The following STRBP variants were observed in gnomAD, a reference collection of about 807,000 sequenced individuals.
STRBP encodes spermatid perinuclear RNA binding protein.
STRBP carries 13 observed loss-of-function variants against 80.1 expected under a neutral mutation model. That is an observed-to-expected ratio of 0.16 (90% confidence interval 0.11 to 0.26). The LOEUF (loss-of-function observed/expected upper bound fraction) is 0.26, where lower values mean the gene tolerates loss of function less well. STRBP is among the 10% of genes least tolerant of loss of function. STRBP has a pLI of 1.00. For missense variants in STRBP, 485 were observed against 815.2 expected, an observed-to-expected ratio of 0.59 and a Z score of 4.93; for synonymous variants, 284 against 291.2, an observed-to-expected ratio of 0.98 and a Z score of 0.25.
rs771398390 is a variant in STRBP at position 123,245,404 on chromosome 9, GT to G, written c.-301-8439del. On this transcript the variant is annotated intron_variant, in intron 1 of 18. Coordinates refer to ENST00000348403, the MANE Select transcript of STRBP (RefSeq NM_018387.5). ...TTTTGTTGTTTTTGTTTGTTTGTTT[GT>G]TTGAGACGTTGTCTCGCTCAGTCGC... 6.4e-4 allele frequency among the ~76,000 whole-genome samples: 98 copies of G among 152,274 alleles called. No individual in the cohort carries two copies. In the Middle Eastern group the frequency reaches 0.014, roughly 21 times the overall value.
At chr9:123,171,309 A>C (rs897766010) in intron 5 of STRBP, among the ~76,000 whole-genome samples, 10 of 152,174 alleles carry the variant, frequency 6.6e-5, no homozygotes, top group African/African-American at 2.2e-4. Context: ...AAAGCATCCT[A>C]GGAAAGAGTA....
At chr9:123,219,137 A>C (rs1332887409) in intron 2 of STRBP, among the ~76,000 whole-genome samples, 1 of 152,186 alleles carries the variant, frequency 6.6e-6, no homozygotes, top group Non-Finnish European at 1.5e-5. Flanking sequence ...TATGCCCTAA[A>C]AGACAGAGAA....
chr9:123,233,970 G>A (rs1588139272), intron 2 of STRBP, among the ~76,000 whole-genome samples: 2 of 152,286 alleles, frequency 1.3e-5, no homozygotes, highest in African/African-American at 4.8e-5. Context: ...GGAGGCCAAG[G>A]CGGGCAGATC....
At chr9:123,179,364 A>G in intron 3 of STRBP, 137 bp from the exon 4 acceptor site, 1 of 696,986 alleles carries the variant, frequency 1.4e-6, no homozygotes, top group Non-Finnish European at 2.3e-6. Flanking sequence ...ACAAGAAAAA[A>G]CTGCTCCAGC....
At chr9:123,204,923 CAAAAA>C (rs34576355) in intron 2 of STRBP, among the ~76,000 whole-genome samples, 1 of 54,562 alleles carries the variant, frequency 1.8e-5, no homozygotes, top group Non-Finnish European at 4.0e-5. Context: ...GACTCCATCT[CAAAAA>C]AAAAAAAAAA....
chr9:123,215,304 G>A (rs1344377375), intron 2 of STRBP, among the ~76,000 whole-genome samples: 2 of 128,468 alleles, frequency 1.6e-5, no homozygotes, highest in Non-Finnish European at 3.0e-5. Flanking sequence ...CGATTCTCCA[G>A]CCTCAGCCTC....
At chr9:123,152,983 CAA>C (rs1205548593) in intron 11 of STRBP, among the ~76,000 whole-genome samples, 1 of 152,104 alleles carries the variant, frequency 6.6e-6, no homozygotes, top group Non-Finnish European at 1.5e-5. Context: ...ATCATCTTTG[CAA>C]CTATGAATCT....
intron 11 of STRBP, among the ~76,000 whole-genome samples, chr9:123,148,086 T>C (rs1384133842): frequency 1.3e-5 from 2 of 152,190 alleles, no homozygotes; most frequent in African/African-American, 2.4e-5. Context: ...TTTATATTTA[T>C]TTTTTCCCAT....
rs893218260 is a variant in STRBP, at chr9:123,132,920, G to C, written c.1822C>G (p.Arg608Gly). The part of the protein sequence containing the change: ...TAVSAAVQAV[R>G]GRGRGTLTRG... ...GTTAGAGTTCCTCTTCCTCTGCCCCGAACAGCTTGGACTGCTGCAGACACA... is the reference window on the plus strand; with the variant it reads ...GTTAGAGTTCCTCTTCCTCTGCCCCCAACAGCTTGGACTGCTGCAGACACA... Residue 608 changes from arginine (R) to glycine (G), a missense_variant, in exon 17 of 19, where the codon CGG (arginine) becomes GGG (glycine). By Grantham distance (125) the Arg-to-Gly change is moderately radical. Around this residue, in one of 3 missense-constraint regions of STRBP, gnomAD observed 85 missense variants for 120.1 expected, o/e 0.71. Coordinates refer to ENST00000348403, the MANE Select transcript of STRBP (RefSeq NM_018387.5). The C allele has an allele frequency of 1.2e-6, 2 of 1,614,042 alleles. No homozygotes were observed. The highest frequency in any genetic ancestry group is 1.3e-5 in the African/African-American group (1 of 75,026).
intron 17 of STRBP, among the ~76,000 whole-genome samples, chr9:123,128,862 C>G (rs543403333): frequency 6.6e-6 from 1 of 152,202 alleles, no homozygotes; most frequent in Non-Finnish European, 1.5e-5. Flanking sequence ...GGCCCAAGTA[C>G]AGGGTCTCTC....
chr9:123,112,262 C>T (rs2035579614), intron 3 of STRBP: 2 of 167,224 alleles, frequency 1.2e-5, no homozygotes, highest in Admixed American at 6.5e-5. Flanking sequence ...CTGGCCACCA[C>T]CTCCCAGCTC....
chr9:123,207,615 C>T (rs754589621), intron 2 of STRBP, among the ~76,000 whole-genome samples: 14 of 152,060 alleles, frequency 9.2e-5, no homozygotes, highest in East Asian at 1.9e-4. Flanking sequence ...GGATAGCATT[C>T]GGAGAAATAC....
At chr9:123,182,688 T>G (rs1005982077) in intron 3 of STRBP, among the ~76,000 whole-genome samples, 3 of 152,116 alleles carry the variant, frequency 2.0e-5, no homozygotes, top group African/African-American at 7.2e-5. Context: ...TTGGCACAAA[T>G]ATTTTTAAAA....
At chr9:123,160,560 C>A in intron 7 of STRBP, 98 bp from the exon 8 acceptor site, 1 of 760,852 alleles carries the variant, frequency 1.3e-6, no homozygotes, top group Non-Finnish European at 1.8e-6. Flanking sequence ...AATTATTCAT[C>A]AGTTATCAGG....
chr9:123,198,309 T>C (rs2039180979), intron 2 of STRBP, among the ~76,000 whole-genome samples: 1 of 152,118 alleles, frequency 6.6e-6, no homozygotes, highest in Non-Finnish European at 1.5e-5. Flanking sequence ...CTAATTTTTT[T>C]TGTATTTTTG....
chr9:123,183,996 G>T, intron 3 of STRBP, 136 bp downstream of exon 3: 1 of 684,270 alleles, frequency 1.5e-6, no homozygotes, highest in East Asian at 2.7e-5. Context: ...GAATAGTAGA[G>T]TGCCATCTTT....
downstream of STRBP, among the ~76,000 whole-genome samples, chr9:123,119,283 C>G (rs1484558995): frequency 6.6e-6 from 1 of 152,084 alleles, no homozygotes; most frequent in African/African-American, 2.4e-5. Context: ...TAACCAAACA[C>G]CTTTTTAAAA....
chr9:123,247,356 C>T (rs898879838), intron 1 of STRBP, among the ~76,000 whole-genome samples: 12 of 152,172 alleles, frequency 7.9e-5, no homozygotes, highest in African/African-American at 2.9e-4. Flanking sequence ...CAACCTCCAC[C>T]TCCCGCGATC....
Position 123,259,982 on chromosome 9 carries a change from C to G in STRBP, c.-302+8454G>C, listed in dbSNP as rs554403359. Among the ~76,000 whole-genome samples the G allele has an allele frequency of 7.9e-5, 12 of 152,280 alleles. No homozygotes were observed. In the Middle Eastern group the frequency reaches 0.01, roughly 129 times the overall value. On this transcript the variant is annotated intron_variant, in intron 1 of 18. Coordinates refer to ENST00000348403, the MANE Select transcript of STRBP (RefSeq NM_018387.5). Reference sequence around the variant, plus strand: ...AGTAGAGTGGTGGGGTTAAAAATCTCACTAGAGTGGTTTCCGGAGAGAACA... The same window carrying G: ...AGTAGAGTGGTGGGGTTAAAAATCTGACTAGAGTGGTTTCCGGAGAGAACA...
Sources: gnomAD v4.1 joint callset for allele counts (sites outside exome capture counted in the v4.1 genomes callset) on GRCh38, gnomAD v4.1.1 for gene constraint, gnomAD v4.1.1 regional missense constraint, MANE v1.5 for transcripts, NCBI Gene and HGNC (gene_info 2026-07-23, HGNC 2026-07-21) for gene names.